ACO2: variants seen among roughly 807,000 people sequenced by gnomAD.
ACO2 encodes the protein aconitate hydratase, mitochondrial.
ACO2 carries 31 observed loss-of-function variants against 84.5 expected under a neutral mutation model. That is an observed-to-expected ratio of 0.37 (90% CI 0.28 to 0.50). The LOEUF (loss-of-function observed/expected upper bound fraction) is 0.50. ACO2 is among the 20% of genes least tolerant of loss of function. The pLI is 0.97. For missense variants in ACO2, 685 were observed against 1,029.3 expected (o/e 0.67, Z 4.58); for synonymous variants, 414 against 412.7 (o/e 1.00, Z -0.04).
At chr22:41,512,834 G>A (rs1405072909) in intron 4 of ACO2, among the ~76,000 whole-genome samples, 1 of 152,142 alleles carries the variant, frequency 6.6e-6, no homozygotes, top group African/African-American at 2.4e-5. Flanking sequence ...GGCACTGTTA[G>A]GGACCACTGA....
At chr22:41,506,022 GT>G (rs1397136112) in intron 2 of ACO2, among the ~76,000 whole-genome samples, 1 of 152,120 alleles carries the variant, frequency 6.6e-6, no homozygotes, top group Non-Finnish European at 1.5e-5. Context: ...GAGGAGAGCA[GT>G]TGCTTATCTT....
chr22:41,509,216 G>C lies in ACO2; in HGVS notation c.432+1167G>C, dbSNP rs2066416542. Among the ~76,000 whole-genome samples the C allele has an allele frequency of 2.6e-5, 4 of 152,178 alleles. 1 individual carries two copies. Among genetic ancestry groups the C allele is most frequent in the Admixed American group, 2.6e-4 (4 of 15,286 alleles). ...ACAGGGCTGCTACCTTCTGGGGCTGGCTTTCTGCTTGCTTTATGGGCTCAG... is the reference window on the plus strand; with the variant it reads ...ACAGGGCTGCTACCTTCTGGGGCTGCCTTTCTGCTTGCTTTATGGGCTCAG... On this transcript the variant is annotated intron_variant, in intron 3 of 17. Transcript: ENST00000216254.
chr22:41,470,735 GT>G (rs2037936587), intron 1 of ACO2, among the ~76,000 whole-genome samples: 1 of 151,848 alleles, frequency 6.6e-6, no homozygotes, highest in Non-Finnish European at 1.5e-5. Context: ...TAGAGACGGG[GT>G]TTCACCCTGT....
At chr22:41,476,915 G>A (rs2038022163) in intron 1 of ACO2, among the ~76,000 whole-genome samples, 1 of 150,980 alleles carries the variant, frequency 6.6e-6, no homozygotes, top group Non-Finnish European at 1.5e-5. Flanking sequence ...TTGGGAGGCC[G>A]AGGTGGGTGG....
chr22:41,497,892 A>T (rs540902902), intron 1 of ACO2, among the ~76,000 whole-genome samples: 6 of 150,778 alleles, frequency 4.0e-5, no homozygotes, highest in East Asian at 2.0e-4. Context: ...AAAAAAAAAT[A>T]AAAAAAATAT....
intron 3 of ACO2, among the ~76,000 whole-genome samples, chr22:41,511,056 A>G (rs1308974763): frequency 2.6e-5 from 4 of 152,220 alleles, no homozygotes; most frequent in Admixed American, 2.0e-4. Context: ...CTCAGGCTGG[A>G]GTGTAGTGGT....
intron 2 of ACO2, among the ~76,000 whole-genome samples, chr22:41,503,145 T>C (rs1454111496): frequency 2.6e-5 from 4 of 152,250 alleles, no homozygotes; most frequent in Non-Finnish European, 5.9e-5. Context: ...TTTAAGGCAC[T>C]GGGAGTTTTT....
chr22:41,527,080 CCT>C, intron 15 of ACO2: 1 of 671,694 alleles, frequency 1.5e-6, no homozygotes. Flanking sequence ...CAACCACGTG[CCT>C]CTGTCCCCTC....
chr22:41,522,445 A>G (rs2066534393), intron 9 of ACO2, among the ~76,000 whole-genome samples: 1 of 152,242 alleles, frequency 6.6e-6, no homozygotes, highest in Admixed American at 6.5e-5. Context: ...CAATCTTTAA[A>G]ACCCAGAAAA....
intron 16 of ACO2, 80 bp from the exon 17 acceptor site, chr22:41,527,821 C>G (rs2066634997): frequency 6.2e-7 from 1 of 1,603,708 alleles, no homozygotes; most frequent in Non-Finnish European, 8.5e-7. Flanking sequence ...GGGCATCTCC[C>G]AGAGCCCCAG....
intron 1 of ACO2, among the ~76,000 whole-genome samples, chr22:41,487,008 C>G (rs2038166021): frequency 6.6e-6 from 1 of 152,076 alleles, no homozygotes; most frequent in South Asian, 2.1e-4. Flanking sequence ...CTCAGCCTCC[C>G]GAGTAGCTGG....
At chr22:41,521,035 CAAAAA>C (rs375633363) in intron 9 of ACO2, among the ~76,000 whole-genome samples, 7 of 81,632 alleles carry the variant, frequency 8.6e-5, no homozygotes, top group African/African-American at 4.2e-4. Context: ...AGCCTGCCTC[CAAAAA>C]AAAAAAAAAA....
chr22:41,527,063 C>T (rs969149112), intron 15 of ACO2: 2 of 626,450 alleles, frequency 3.2e-6, no homozygotes, highest in Middle Eastern at 4.4e-4. Flanking sequence ...TTCTTTGCCA[C>T]TGCAAACAAC....
At chr22:41,486,188 G>A (rs1372649418) in intron 1 of ACO2, among the ~76,000 whole-genome samples, 1 of 152,122 alleles carries the variant, frequency 6.6e-6, no homozygotes, top group South Asian at 2.1e-4. Flanking sequence ...AGGCATATTA[G>A]TCTAGTGACT....
At chr22:41,528,171 A>G (rs979944729) in intron 17 of ACO2, 149 bp downstream of exon 17, 23 of 1,275,378 alleles carry the variant, frequency 1.8e-5, no homozygotes, top group Admixed American at 9.5e-5. Context: ...CAGAGAAAGC[A>G]AAGTGGCTTC....
intron 3 of ACO2, among the ~76,000 whole-genome samples, chr22:41,510,598 C>T (rs1281212042): frequency 3.3e-5 from 5 of 152,168 alleles, no homozygotes; most frequent in Non-Finnish European, 5.9e-5. Flanking sequence ...TCTCCCATGC[C>T]GGAGGCTGGC....
intron 9 of ACO2, among the ~76,000 whole-genome samples, chr22:41,522,128 A>G (rs758587069): frequency 4.4e-4 from 67 of 152,372 alleles, no homozygotes; most frequent in Non-Finnish European, 7.5e-4. Flanking sequence ...CAGGAGTTCA[A>G]GAGCAGCCTG....
intron 1 of ACO2, among the ~76,000 whole-genome samples, chr22:41,476,888 G>T (rs1000627688): frequency 1.3e-5 from 2 of 150,802 alleles, no homozygotes; most frequent in African/African-American, 4.9e-5. Flanking sequence ...GTAGCTCACG[G>T]CTGTAATCCC....
At chr22:41,519,190 C>G (rs1190500443) in intron 8 of ACO2, among the ~76,000 whole-genome samples, 1 of 152,162 alleles carries the variant, frequency 6.6e-6, no homozygotes, top group African/African-American at 2.4e-5. Context: ...AGGGCAAATC[C>G]CAGCAGGGTT....
Sources: allele counts gnomAD v4.1 joint callset (sites outside exome capture counted in the v4.1 genomes callset), GRCh38; gene constraint gnomAD v4.1.1; transcripts MANE v1.5; gene names NCBI Gene and HGNC (gene_info 2026-07-23, HGNC 2026-07-21).